SCAPER: variants seen among roughly 807,000 people sequenced by gnomAD.
The protein encoded by SCAPER is S phase cyclin A-associated protein in the endoplasmic reticulum.
A neutral mutation model predicts 182.2 loss-of-function variants in SCAPER; 98 were observed. That is an observed-to-expected ratio of 0.54 (90% confidence interval 0.46 to 0.64). SCAPER has a LOEUF of 0.64. SCAPER is among the 30% of genes least tolerant of loss of function. The pLI is 0.00. For missense variants in SCAPER, 1,432 were observed against 1,690.0 expected, an observed-to-expected ratio of 0.85 and a Z score of 2.68; for synonymous variants, 605 against 564.6, an observed-to-expected ratio of 1.07 and a Z score of -1.01.
chr15:76,889,178 C>A (rs903516309), intron 1 of SCAPER, among the ~76,000 whole-genome samples: 17 of 152,142 alleles, frequency 1.1e-4, no homozygotes, highest in African/African-American at 3.6e-4. Flanking sequence ...CTGAAGGAAG[C>A]ACTAAACATG....
At chr15:76,676,106 T>C (rs1316776100) in intron 20 of SCAPER, among the ~76,000 whole-genome samples, 2 of 152,264 alleles carry the variant, frequency 1.3e-5, no homozygotes, top group African/African-American at 4.8e-5. Flanking sequence ...ATTACAGGCG[T>C]GAGCCACTGT....
chr15:76,735,852 G>A (rs1437329134), intron 15 of SCAPER, among the ~76,000 whole-genome samples: 3 of 152,174 alleles, frequency 2.0e-5, no homozygotes, highest in Non-Finnish European at 4.4e-5. Context: ...ACATACAGTA[G>A]TATGTCCTTA....
chr15:76,381,843 T>C lies in SCAPER; in HGVS notation c.3468-228A>G, dbSNP rs561696475. On this transcript the variant is annotated intron_variant, in intron 27 of 31. Coordinates refer to ENST00000563290, the MANE Select transcript of SCAPER (RefSeq NM_020843.4). ...TGCTGCAGCAGTGTCAACTGAGCAC[T>C]CTGCAGCCAGTGCTGAGGCTGCCAA... 3.3e-5 allele frequency among the ~76,000 whole-genome samples: 5 copies of C among 152,330 alleles called. No homozygotes were observed. In the South Asian group the frequency reaches 1.0e-3, roughly 32 times the overall value.
chr15:76,643,469 G>A (rs1242537765), intron 21 of SCAPER, among the ~76,000 whole-genome samples: 1 of 151,858 alleles, frequency 6.6e-6, no homozygotes, highest in Non-Finnish European at 1.5e-5. Context: ...ATCACTTGAG[G>A]TCAGGAGTTC....
intron 23 of SCAPER, among the ~76,000 whole-genome samples, chr15:76,533,112 A>G (rs1270736806): frequency 1.3e-5 from 2 of 152,218 alleles, no homozygotes; most frequent in Non-Finnish European, 2.9e-5. Flanking sequence ...TAAACTGGGA[A>G]AAGACTTCCT....
In SCAPER at chr15:76,841,746, C is replaced by A. The variant is rs1224601273; in HGVS notation, c.381G>T (p.Val127=). 6.2e-7 allele frequency: 1 copy of A among 1,613,644 alleles called. No individual in the cohort carries two copies. The highest frequency in any genetic ancestry group is 8.5e-7 in the Non-Finnish European group (1 of 1,179,828). The change falls in exon 5 of 32, where the codon GTG becomes GTT. Residue 127 remains valine (V), a synonymous_variant. Coordinates refer to ENST00000563290, the MANE Select transcript of SCAPER (RefSeq NM_020843.4). ...IYVTCESDQS[V]VECKEVLMML... Reference sequence around the variant, plus strand: ...AAGCAAACCTTACCTTACATTCGACCACACTCTGATCTGATTCGCAAGTTA... The same window carrying A: ...AAGCAAACCTTACCTTACATTCGACAACACTCTGATCTGATTCGCAAGTTA...
chr15:76,511,271 GAAAT>G (rs1237957692), intron 23 of SCAPER, among the ~76,000 whole-genome samples: 1 of 151,966 alleles, frequency 6.6e-6, no homozygotes, highest in African/African-American at 2.4e-5. Context: ...TAAAATAAAA[GAAAT>G]AAATAAAATA....
chr15:76,446,947 G>A (rs965392744), intron 25 of SCAPER, among the ~76,000 whole-genome samples: 1 of 152,086 alleles, frequency 6.6e-6, no homozygotes, highest in African/African-American at 2.4e-5. Flanking sequence ...TACATGAGAC[G>A]TTCAACACTT....
intron 25 of SCAPER, among the ~76,000 whole-genome samples, chr15:76,466,122 G>T (rs1205207022): frequency 6.6e-6 from 1 of 151,942 alleles, no homozygotes; most frequent in Non-Finnish European, 1.5e-5. Context: ...TCCCAGATTT[G>T]GGAAGTTTTG....
At chr15:76,791,947 C>G (rs140525068) in intron 8 of SCAPER, among the ~76,000 whole-genome samples, 98 of 150,046 alleles carry the variant, frequency 6.5e-4, no homozygotes, top group African/African-American at 2.2e-3. Context: ...TTTTTTTTGT[C>G]TTGCAACATG....
At chr15:76,702,150 G>A (rs546082129) in intron 19 of SCAPER, among the ~76,000 whole-genome samples, 4 of 150,858 alleles carry the variant, frequency 2.7e-5, no homozygotes, top group Admixed American at 2.0e-4. Flanking sequence ...GTGACAAAGC[G>A]ATACTCCATC....
rs779440367 is a variant in SCAPER at position 76,686,191 on chromosome 15, G to GA, written c.2508+15566dup. ...TAATAAAAAACTAGTAACAATTTGT[G>GA]AAAAAAGCCTAAAAATAAAAAGGAA... On this transcript the variant is annotated intron_variant, in intron 20 of 31. Coordinates refer to ENST00000563290, the MANE Select transcript of SCAPER (RefSeq NM_020843.4). Among the ~76,000 whole-genome samples the GA allele has an allele frequency of 2.1e-4, 32 of 151,740 alleles. 1 individual carries two copies. In the East Asian group the frequency reaches 3.1e-3, roughly 15 times the overall value.
Position 76,665,677 on chromosome 15 carries a change from T to C in SCAPER, c.2621A>G (p.Lys874Arg). 1.3e-6 allele frequency: 2 copies of C among 1,591,830 alleles called. No individual in the cohort carries two copies. Among genetic ancestry groups the C allele is most frequent in the Non-Finnish European group, 1.7e-6 (2 of 1,170,390 alleles). The part of the protein sequence containing the change: ...ERQKNKKKAK[K>R]IKARMNFRAK... ...CCTGAAGTTCATCCGGGCTTTTATC[T>C]TTTTGGCTTTTTTTTTATTTTTTTG... Residue 874 changes from lysine (K) to arginine (R), a missense_variant, in exon 21 of 32, where the codon AAG (lysine) becomes AGG (arginine). By Grantham distance (26) the Lys-to-Arg change is conservative. This residue lies in a region of SCAPER where 718 missense variants were observed against 799.7 expected (regional missense o/e 0.90). Coordinates refer to ENST00000563290, the MANE Select transcript of SCAPER (RefSeq NM_020843.4).
intron 21 of SCAPER, among the ~76,000 whole-genome samples, chr15:76,645,135 A>T (rs1294227142): frequency 6.6e-6 from 1 of 152,164 alleles, no homozygotes; most frequent in Non-Finnish European, 1.5e-5. Flanking sequence ...TAAGTAATCT[A>T]GAGATGATTC....
At chr15:76,729,289 T>TACACACAC (rs1166540568) in intron 16 of SCAPER, among the ~76,000 whole-genome samples, 2 of 101,746 alleles carry the variant, frequency 2.0e-5, no homozygotes, top group Admixed American at 9.2e-5. Context: ...CACATATATA[T>TACACACAC]ACACATACAC....
intron 23 of SCAPER, among the ~76,000 whole-genome samples, chr15:76,550,076 G>C (rs966163193): frequency 4.6e-5 from 7 of 152,114 alleles, no homozygotes; most frequent in Non-Finnish European, 1.0e-4. Flanking sequence ...TTAATAACCA[G>C]AATGTATAAG....
intron 15 of SCAPER, among the ~76,000 whole-genome samples, chr15:76,742,671 T>G (rs935454400): frequency 6.6e-6 from 1 of 151,764 alleles, no homozygotes; most frequent in Non-Finnish European, 1.5e-5. Flanking sequence ...ATCAACAGAA[T>G]ACTAGCTAAC....
chr15:76,720,051 G>C (rs1174614129), intron 17 of SCAPER, among the ~76,000 whole-genome samples: 1 of 151,364 alleles, frequency 6.6e-6, no homozygotes, highest in East Asian at 1.9e-4. Context: ...TTAGCATTAG[G>C]TATATCTCCT....
chr15:76,817,832 A>G (rs1340329925), intron 5 of SCAPER, among the ~76,000 whole-genome samples: 1 of 152,232 alleles, frequency 6.6e-6, no homozygotes, highest in Non-Finnish European at 1.5e-5. Context: ...TAGAAAACTA[A>G]GTAAATGGAA....
Sources: gnomAD v4.1 joint callset for allele counts (sites outside exome capture counted in the v4.1 genomes callset) on GRCh38, gnomAD v4.1.1 for gene constraint, gnomAD v4.1.1 regional missense constraint, MANE v1.5 for transcripts, NCBI Gene and HGNC (gene_info 2026-07-23, HGNC 2026-07-21) for gene names.